The following DUXB variants were observed in gnomAD, a reference collection of about 807,000 sequenced individuals.
DUXB encodes the protein double homeobox B, also known as double homeobox protein B.
In DUXB, 22 loss-of-function variants were observed where a neutral mutation model predicts 8.9. The observed-to-expected ratio is 2.46, with a 90% CI of 1.76 to 3.52. DUXB has a LOEUF of 3.52. DUXB is among the 30% of genes most tolerant of loss of function. The probability of loss-of-function intolerance (pLI) is 0.00; values close to 1 mark genes in which losing one functional copy is unlikely to be tolerated. For synonymous variants in DUXB, 84 were observed against 37.6 expected (o/e 2.23, Z -4.52); for missense variants, 237 against 108.7 (o/e 2.18, Z -5.25).
chr16:75,699,633 C>T (rs550567247), intron 2 of DUXB, among the ~76,000 whole-genome samples: 1 of 150,072 alleles, frequency 6.7e-6, no homozygotes, highest in Admixed American at 6.6e-5. Flanking sequence ...GATCTCTGCT[C>T]ACTGCAAGCT....
In DUXB at chr16:75,696,929, A is replaced by AC; in HGVS notation, c.194_195insG (p.Asn65LysfsTer12). The AC allele has an allele frequency of 1.4e-6, 1 of 702,612 alleles. No individual in the cohort carries two copies. The highest frequency in any genetic ancestry group is 2.6e-6 in the Non-Finnish European group (1 of 384,912). The allele number at this position is 702,612 out of a possible 1,614,324, so 43.5% of individuals were successfully genotyped here. A position where few individuals can be genotyped will look rare whatever the true frequency, so the allele number is the denominator to read the frequency against. ...CCAGTTTTCTCTGTTTTACTCTGTA[A>AC]TTTTTAAACCAAACCTAAGTAGGAG... On this transcript the variant is annotated frameshift_variant, in exon 3 of 5. Coordinates refer to ENST00000633875, the MANE Select transcript of DUXB (RefSeq NM_001351307.2). LOFTEE classifies it high-confidence loss of function.
chr16:75,700,399 A>AT (rs1317466940), intron 1 of DUXB, among the ~76,000 whole-genome samples: 7 of 149,962 alleles, frequency 4.7e-5, no homozygotes, highest in Non-Finnish European at 8.9e-5. Flanking sequence ...GTGCCTGGCT[A>AT]TTTTTTTTTC....
At chr16:75,701,021 G>A (rs1443953132) in intron 1 of DUXB, among the ~76,000 whole-genome samples, 1 of 152,110 alleles carries the variant, frequency 6.6e-6, no homozygotes, top group Non-Finnish European at 1.5e-5. Context: ...GAAACTCATG[G>A]AACAATTGAA....
chr16:75,701,351 G>T (rs1959208729), intron 1 of DUXB, 43 bp downstream of exon 1: 3 of 398,556 alleles, frequency 7.5e-6, no homozygotes. Flanking sequence ...AGCAAGACAT[G>T]CAGCAATCCC....
chr16:75,700,611 G>A (rs146170212), intron 1 of DUXB, among the ~76,000 whole-genome samples: 44 of 152,010 alleles, frequency 2.9e-4, no homozygotes, highest in African/African-American at 9.9e-4. Flanking sequence ...TCTGCCTCCC[G>A]GGTTCACGCC....
intron 2 of DUXB, among the ~76,000 whole-genome samples, chr16:75,699,323 G>A (rs1959198555): frequency 6.6e-6 from 1 of 152,046 alleles, no homozygotes; most frequent in East Asian, 1.9e-4. Context: ...TCTTACCCCA[G>A]TTTCCTTGTA....
rs1044035278 is a variant in DUXB at position 75,694,496 on chromosome 16, G to T, written c.471C>A (p.Tyr157Ter). The T allele has an allele frequency of 1.4e-6, 1 of 703,038 alleles. No individual in the cohort carries two copies. 43.5% of individuals were successfully genotyped at this position (703,038 alleles called of 1,614,324 possible). A position where few individuals can be genotyped will look rare whatever the true frequency, so the allele number is the denominator to read the frequency against. Residue 157 changes from tyrosine to a stop codon, truncating the protein, a stop_gained, in exon 5 of 5, where the codon TAC (tyrosine) becomes TAA (stop). Coordinates refer to ENST00000633875, the MANE Select transcript of DUXB (RefSeq NM_001351307.2). LOFTEE classifies it low-confidence loss of function (END_TRUNC). The stretch of plus-strand genomic sequence containing the variant: ...TGGGCTCCATTCTGCTCTTCTTGAG[G>T]TACAGAGATCTTTGTTTCTGAAACC... ...QMWFQKQRSL[Y>*]LKKSRMEPMN...
intron 4 of DUXB, among the ~76,000 whole-genome samples, chr16:75,695,691 CA>C (rs1244909341): frequency 6.6e-6 from 1 of 152,108 alleles, no homozygotes; most frequent in Non-Finnish European, 1.5e-5. Flanking sequence ...TTATCTGAGC[CA>C]AAATGACAAC....
chr16:75,695,866 T>G (rs939379015), intron 4 of DUXB, 95 bp downstream of exon 4: 2 of 647,810 alleles, frequency 3.1e-6, no homozygotes, highest in Non-Finnish European at 5.6e-6. Flanking sequence ...CTTGATGACT[T>G]TGATAACCCA....
intron 4 of DUXB, 161 bp downstream of exon 4, chr16:75,695,800 T>C: frequency 1.7e-6 from 1 of 595,706 alleles, no homozygotes; most frequent in Admixed American, 3.0e-5. Context: ...TGAAAATTCT[T>C]CCTTGACAAA....
At chr16:75,701,258 A>T (rs1959208348) in intron 1 of DUXB, 136 bp downstream of exon 1, 1 of 396,998 alleles carries the variant, frequency 2.5e-6, no homozygotes, top group African/African-American at 2.1e-5. Flanking sequence ...GACACAATTT[A>T]TCAGCGAAAA....
chr16:75,697,645 A>G (rs2082619450), intron 2 of DUXB, among the ~76,000 whole-genome samples: 1 of 152,236 alleles, frequency 6.6e-6, no homozygotes, highest in Admixed American at 6.5e-5. Context: ...TAGCATCTTA[A>G]TGACAACGAA....
In DUXB at chr16:75,696,397, A is replaced by C. The variant is rs146672061; in HGVS notation, c.287-282T>G. 7.6e-3 allele frequency among the ~76,000 whole-genome samples: 1,159 copies of C among 152,184 alleles called. 14 individuals are homozygous for C. The highest frequency in any genetic ancestry group is 0.027 in the African/African-American group (1,115 of 41,530). Reference sequence around the variant, plus strand: ...GAAACCCCGTTTCTACTAAAAATACAAAAAATTAGCTGGGCGTGGTTGTGC... The same window carrying C: ...GAAACCCCGTTTCTACTAAAAATACCAAAAATTAGCTGGGCGTGGTTGTGC... On this transcript the variant is annotated intron_variant, in intron 3 of 4. Transcript: ENST00000633875.
At chr16:75,696,997 G>C in intron 2 of DUXB, 54 bp from the exon 3 acceptor site, 1 of 678,962 alleles carries the variant, frequency 1.5e-6, no homozygotes, top group Non-Finnish European at 2.7e-6. Context: ...TGTCAATATT[G>C]CCAAATATCA....
Position 75,694,454 on chromosome 16 carries a change from G to T in DUXB, c.513C>A (p.Asp171Glu), listed in dbSNP as rs774629326. The T allele has an allele frequency of 1.4e-6, 1 of 702,856 alleles. No individual in the cohort carries two copies. The highest frequency in any genetic ancestry group is 2.7e-5 in the East Asian group (1 of 37,286). 43.5% of individuals were successfully genotyped at this position (702,856 alleles called of 1,614,324 possible). A position where few individuals can be genotyped will look rare whatever the true frequency, so the allele number is the denominator to read the frequency against. ...SRMEPMNLLVDDPNERPDATV... is the reference protein window; with the variant it reads ...SRMEPMNLLVEDPNERPDATV... ...TTGCATCTGGTCTCTCATTTGGGTC[G>T]TCTACCAATAAATTCATGGGCTCCA... The change falls in exon 5 of 5, where the codon GAC becomes GAA. Residue 171 changes from aspartate (D) to glutamate (E), a missense_variant. Transcript: ENST00000633875.
At chr16:75,694,553 T>C in intron 4 of DUXB, 28 bp from the exon 5 acceptor site, 1 of 702,818 alleles carries the variant, frequency 1.4e-6, no homozygotes, top group Non-Finnish European at 2.6e-6. Flanking sequence ...CAACATGACA[T>C]CATAAGACAT....
At chr16:75,699,449 G>A (rs1959198900) in intron 2 of DUXB, among the ~76,000 whole-genome samples, 1 of 152,050 alleles carries the variant, frequency 6.6e-6, no homozygotes, top group Non-Finnish European at 1.5e-5. Flanking sequence ...ATTACCTATT[G>A]GGAGAGACTG....
At chr16:75,694,552 A>C (rs775447131) in intron 4 of DUXB, 27 bp from the exon 5 acceptor site, 13 of 702,746 alleles carry the variant, frequency 1.8e-5, no homozygotes, top group African/African-American at 1.7e-4. Context: ...GCAACATGAC[A>C]TCATAAGACA....
In DUXB at chr16:75,694,208, C is replaced by T. The variant is rs1269044576; in HGVS notation, c.759G>A (p.Leu253=). 7 of 513,928 alleles carry T rather than the reference C, an allele frequency of 1.4e-5. No homozygotes were observed. Among genetic ancestry groups the T allele is most frequent in the Non-Finnish European group, 3.4e-6 (1 of 295,052 alleles). The allele number at this position is 513,928 out of a possible 1,614,324, so 31.8% of individuals were successfully genotyped here. A position where few individuals can be genotyped will look rare whatever the true frequency, so the allele number is the denominator to read the frequency against. Reference sequence around the variant, plus strand: ...GTGTCAGGAGGTGATTCGGAATTATCAGAGGCTGATCAGACTTCTCTCCTT... The same window carrying T: ...GTGTCAGGAGGTGATTCGGAATTATTAGAGGCTGATCAGACTTCTCTCCTT... ...VQEGEKSDQP[L]IIPNHLLTLP... is the part of the protein sequence containing the mutation. Residue 253 remains leucine, a synonymous_variant, in exon 5 of 5, where the codon CTG becomes CTA. Transcript: ENST00000633875.
Sources: allele counts gnomAD v4.1 joint callset (sites outside exome capture counted in the v4.1 genomes callset), GRCh38; gene constraint gnomAD v4.1.1; transcripts MANE v1.5; gene names NCBI Gene and HGNC (gene_info 2026-07-23, HGNC 2026-07-21).